Variants in GNG12 observed in about 807,000 individuals in gnomAD.
The protein encoded by GNG12 is guanine nucleotide-binding protein G(I)/G(S)/G(O) subunit gamma-12.
For missense variants in GNG12, 69 were observed against 83.8 expected (o/e 0.82, Z 0.69); for synonymous variants, 28 against 29.7 (o/e 0.94, Z 0.19).
intron 2 of GNG12, among the ~76,000 whole-genome samples, chr1:67,714,070 G>T (rs1646311171): frequency 6.6e-6 from 1 of 152,240 alleles, no homozygotes; most frequent in African/African-American, 2.4e-5. Context: ...CTGCAGATGT[G>T]TTTGGTTGGG....
chr1:67,816,138 T>C (rs897262002), intron 1 of GNG12, among the ~76,000 whole-genome samples: 2 of 152,204 alleles, frequency 1.3e-5, no homozygotes, highest in African/African-American at 4.8e-5. Flanking sequence ...GACTTTTTTT[T>C]CTTTTCTTCT....
chr1:67,785,958 G>A (rs745633726), intron 1 of GNG12, among the ~76,000 whole-genome samples: 6 of 152,038 alleles, frequency 3.9e-5, no homozygotes, highest in Non-Finnish European at 8.8e-5. Flanking sequence ...CAGCACACAA[G>A]TACTAAAGTC....
In GNG12 at chr1:67,702,489, T is replaced by TA. The variant is rs946282373; in HGVS notation, c.*2961dup. ...TTTTTCCTGATAGTTTAAAGATTAGTAAAGTACAAAAACAGTCTAAATAGA... is the reference window on the plus strand; with the variant it reads ...TTTTTCCTGATAGTTTAAAGATTAGTAAAAGTACAAAAACAGTCTAAATAGA... On this transcript the variant is annotated 3_prime_UTR_variant, in exon 4 of 4. Coordinates refer to ENST00000370982, the MANE Select transcript of GNG12 (RefSeq NM_018841.6). The TA allele has an allele frequency of 5.3e-5, 8 of 152,090 alleles. No homozygotes were observed. The highest frequency in any genetic ancestry group is 1.9e-4 in the African/African-American group (8 of 41,404). The allele number at this position is 152,090 out of a possible 1,614,324, so 9.4% of individuals were successfully genotyped here.
chr1:67,811,291 T>C (rs1420812478), intron 1 of GNG12, among the ~76,000 whole-genome samples: 1 of 152,154 alleles, frequency 6.6e-6, no homozygotes, highest in African/African-American at 2.4e-5. Flanking sequence ...ATGTGTGCCT[T>C]CGAGGTCTCA....
At chr1:67,710,011 G>GTT (rs1646278686) in intron 2 of GNG12, among the ~76,000 whole-genome samples, 2 of 26,026 alleles carry the variant, frequency 7.7e-5, no homozygotes, top group African/African-American at 2.6e-4. Context: ...TATATATATA[G>GTT]TTATATATAT....
chr1:67,804,216 A>G (rs1646882308), intron 1 of GNG12, among the ~76,000 whole-genome samples: 1 of 152,248 alleles, frequency 6.6e-6, no homozygotes, highest in South Asian at 2.1e-4. Context: ...TTTCTCCAGT[A>G]ACCTCTTCAA....
intron 1 of GNG12, among the ~76,000 whole-genome samples, chr1:67,817,783 CTTTCTTT>C (rs1467233301): frequency 1.8e-5 from 2 of 109,024 alleles, no homozygotes; most frequent in Admixed American, 1.2e-4. Flanking sequence ...TTGTTTCTTT[CTTTCTTT>C]TTTTTTTTTT....
intron 1 of GNG12, among the ~76,000 whole-genome samples, chr1:67,787,069 G>GTGTGTA (rs766685047): frequency 1.4e-5 from 2 of 145,710 alleles, no homozygotes; most frequent in African/African-American, 5.3e-5. Context: ...GTGTGTGTGT[G>GTGTGTA]TATAGTCCCC....
chr1:67,707,547 G>C, intron 3 of GNG12, 47 bp downstream of exon 3: 1 of 986,386 alleles, frequency 1.0e-6, no homozygotes, highest in South Asian at 1.4e-5. Flanking sequence ...ACAAGGAACA[G>C]GGGGAACTGA....
At chr1:67,726,480 A>G (rs531262385) in intron 2 of GNG12, among the ~76,000 whole-genome samples, 20 of 152,304 alleles carry the variant, frequency 1.3e-4, no homozygotes, top group Middle Eastern at 3.4e-3. Context: ...CTCAATAAAC[A>G]CTTCATCCAG....
At chr1:67,791,113 T>C (rs1646799944) in intron 1 of GNG12, among the ~76,000 whole-genome samples, 1 of 152,224 alleles carries the variant, frequency 6.6e-6, no homozygotes, top group African/African-American at 2.4e-5. Context: ...CTATTTATCT[T>C]ATTTGTCAAA....
intron 1 of GNG12, among the ~76,000 whole-genome samples, chr1:67,778,342 G>C (rs1570540258): frequency 6.6e-6 from 1 of 151,962 alleles, no homozygotes; most frequent in Admixed American, 6.6e-5. Flanking sequence ...AGTAGTCCAT[G>C]GCCACACATG....
intron 1 of GNG12, among the ~76,000 whole-genome samples, chr1:67,818,228 C>A (rs1181255053): frequency 6.6e-6 from 1 of 152,186 alleles, no homozygotes; most frequent in Non-Finnish European, 1.5e-5. Flanking sequence ...TCCCCAGAGT[C>A]TTGTACTTAT....
At chr1:67,741,433 T>C (rs2100712970) in intron 2 of GNG12, among the ~76,000 whole-genome samples, 1 of 152,320 alleles carries the variant, frequency 6.6e-6, no homozygotes, top group South Asian at 2.1e-4. Context: ...CACCATATTC[T>C]ATCCAAAGTC....
intron 2 of GNG12, among the ~76,000 whole-genome samples, chr1:67,714,572 T>G (rs1047844005): frequency 6.6e-6 from 1 of 152,196 alleles, no homozygotes; most frequent in Non-Finnish European, 1.5e-5. Context: ...TCTTACACAC[T>G]GTGTGAAGTA....
intron 3 of GNG12, among the ~76,000 whole-genome samples, chr1:67,706,030 T>TA (rs1461106657): frequency 6.6e-6 from 1 of 152,204 alleles, no homozygotes; most frequent in African/African-American, 2.4e-5. Flanking sequence ...TTCAAGGGTT[T>TA]AAAGAAGACA....
intron 1 of GNG12, among the ~76,000 whole-genome samples, chr1:67,786,235 T>A (rs1646766776): frequency 6.6e-6 from 1 of 152,206 alleles, no homozygotes; most frequent in African/African-American, 2.4e-5. Flanking sequence ...TAAACAAAAC[T>A]GAATACCCCA....
intron 2 of GNG12, among the ~76,000 whole-genome samples, chr1:67,772,080 G>A (rs1427313718): frequency 6.6e-6 from 1 of 152,170 alleles, no homozygotes; most frequent in African/African-American, 2.4e-5. Context: ...TGAAGCAACG[G>A]TTTTTAAGCA....
chr1:67,722,376 C>T (rs1646361010), intron 2 of GNG12, among the ~76,000 whole-genome samples: 1 of 152,116 alleles, frequency 6.6e-6, no homozygotes, highest in African/African-American at 2.4e-5. Flanking sequence ...CTGGGCTTCA[C>T]CAACAAACAA....
Sources: allele counts gnomAD v4.1 joint callset (sites outside exome capture counted in the v4.1 genomes callset), GRCh38; gene constraint gnomAD v4.1.1; transcripts MANE v1.5; gene names NCBI Gene and HGNC (gene_info 2026-07-23, HGNC 2026-07-21).